DPEP1: variants seen among roughly 807,000 people sequenced by gnomAD.
DPEP1 encodes the protein dipeptidase 1.
Under a neutral mutation model 42.3 loss-of-function variants are expected in DPEP1, and 50 were observed. The ratio of observed to expected loss-of-function variants is 1.18; its 90% CI spans 0.94 to 1.50. The LOEUF is 1.50. Among genes scored for constraint, DPEP1 ranks in the 40% most tolerant of loss-of-function variants. DPEP1 has a pLI of 0.00. For synonymous variants in DPEP1, 297 were observed against 234.0 expected (o/e 1.27, Z -2.46); for missense variants, 663 against 553.0 (o/e 1.20, Z -1.99).
chr16:89,639,188 A>C (rs926396599), downstream of DPEP1, among the ~76,000 whole-genome samples: 13 of 5,940 alleles, frequency 2.2e-3, no homozygotes, highest in East Asian at 6.8e-3. Flanking sequence ...CACACACCCC[A>C]CCCCTGCACA....
At chr16:89,639,204 C>T (rs1567995628), downstream of DPEP1, among the ~76,000 whole-genome samples, 4 of 50,556 alleles carry the variant, frequency 7.9e-5, no homozygotes, top group Admixed American at 1.9e-4. Context: ...GCACACACCC[C>T]CACCCCTGCA....
In DPEP1 at chr16:89,626,910, G is replaced by A. The variant is rs541273081; in HGVS notation, c.-106-3395G>A. Among the ~76,000 whole-genome samples the A allele has an allele frequency of 5.9e-5, 9 of 151,956 alleles. No individual in the cohort carries two copies. In the East Asian group the frequency reaches 7.9e-4, roughly 13 times the overall value. On this transcript the variant is annotated intron_variant, in intron 1 of 10. Transcript: ENST00000690203. ...AGGCGGGTGGATCACTTGGGGTCAG[G>A]AGTTTGAGACCACCCTGGCCAACAT...
downstream of DPEP1, among the ~76,000 whole-genome samples, chr16:89,639,089 GCA>G (rs1190785697): frequency 3.9e-5 from 1 of 25,772 alleles, no homozygotes; most frequent in Non-Finnish European, 6.9e-5. Flanking sequence ...CCCCATTCCT[GCA>G]CACACACACC....
chr16:89,630,626 TGGGGGTGCCGGGGCTGGGGGTGCC>T, intron 2 of DPEP1, 112 bp downstream of exon 2: 1 of 53,690 alleles, frequency 1.9e-5, no homozygotes, highest in East Asian at 5.7e-4. Flanking sequence ...GAGCCAGGGC[TGGGGGTGCCGGGGCTGGGGGTGCC>T]GGGGCTGGGG....
intron 2 of DPEP1, 55 bp from the exon 3 acceptor site, chr16:89,635,853 C>G (rs1399839832): frequency 7.8e-6 from 12 of 1,531,402 alleles, no homozygotes; most frequent in Non-Finnish European, 1.1e-5. Context: ...AGCTCGGAAG[C>G]CCCCAGGTCC....
intron 1 of DPEP1, among the ~76,000 whole-genome samples, chr16:89,618,939 T>A (rs920760037): frequency 4.7e-5 from 2 of 42,410 alleles, no homozygotes; most frequent in South Asian, 8.1e-4. Flanking sequence ...TGCAGCTCCC[T>A]GCCCCCCTGC....
chr16:89,630,437 C>T lies in DPEP1; in HGVS notation c.27C>T (p.Pro9=), dbSNP rs1567987063. Residue 9 remains proline (P), a synonymous_variant, in exon 2 of 11, where the codon CCC becomes CCT. Transcript: ENST00000690203. MWSGWWLW[P]LVAVCTADFF... The stretch of plus-strand genomic sequence containing the variant: ...TGTGGAGCGGATGGTGGCTGTGGCC[C>T]CTTGTGGCCGTCTGCACTGCAGACT... The T allele has an allele frequency of 6.2e-7, 1 of 1,611,258 alleles. No homozygotes were observed. The highest frequency in any genetic ancestry group is 8.5e-7 in the Non-Finnish European group (1 of 1,179,026).
At position 89,637,693 on chromosome 16, in the gene DPEP1, T is replaced by G; in HGVS notation, c.915T>G (p.Phe305Leu). ...GARAVGFGGD[F>L]DGVPRVPEGL... ...GAGCCGTGGGTTTTGGTGGGGACTT[T>G]GATGGTGTTCCAAGGTAAGGGGCTG... Residue 305 changes from phenylalanine (F) to leucine (L), a missense_variant, in exon 9 of 11, where the codon TTT becomes TTG. Coordinates refer to ENST00000690203, the MANE Select transcript of DPEP1 (RefSeq NM_001389466.1). The G allele has an allele frequency of 6.2e-7, 1 of 1,612,964 alleles. No homozygotes were observed. Among genetic ancestry groups the G allele is most frequent in the East Asian group, 2.2e-5 (1 of 44,854 alleles).
intron 1 of DPEP1, among the ~76,000 whole-genome samples, chr16:89,625,229 C>T (rs927330362): frequency 2.0e-5 from 3 of 152,024 alleles, no homozygotes; most frequent in African/African-American, 4.8e-5. Flanking sequence ...CCCCAGGCCT[C>T]GCTGTTTTTC....
downstream of DPEP1, among the ~76,000 whole-genome samples, chr16:89,640,764 G>T (rs1266237333): frequency 2.0e-5 from 3 of 152,132 alleles, no homozygotes; most frequent in Admixed American, 6.5e-5. Context: ...GGGTCTGTAG[G>T]TTTTTCTCCT....
In DPEP1 at chr16:89,636,698, A is replaced by T; in HGVS notation, c.521+15A>T. ...AACACGCCCTGGTGCGTGACTCCCC[A>T]TGGGAGGCCCCCGGGCTGTGGTCAG... On this transcript the variant is annotated intron_variant, in intron 5 of 10. Transcript: ENST00000690203. 6.2e-7 allele frequency: 1 copy of T among 1,611,514 alleles called. No homozygotes were observed. Among genetic ancestry groups the T allele is most frequent in the South Asian group, 1.1e-5 (1 of 91,062 alleles).
At chr16:89,630,995 C>T (rs1433234262) in intron 2 of DPEP1, among the ~76,000 whole-genome samples, 2 of 152,036 alleles carry the variant, frequency 1.3e-5, no homozygotes, top group Admixed American at 6.5e-5. Flanking sequence ...GAGGCAAGGC[C>T]ACACTCCCTG....
intron 2 of DPEP1, among the ~76,000 whole-genome samples, chr16:89,633,465 C>G (rs1268947738): frequency 6.6e-6 from 1 of 152,258 alleles, no homozygotes; most frequent in African/African-American, 2.4e-5. Flanking sequence ...AGAGCCCTCC[C>G]CTTCTTTCCC....
chr16:89,617,985 C>T (rs576236667), intron 1 of DPEP1, among the ~76,000 whole-genome samples: 12 of 152,026 alleles, frequency 7.9e-5, no homozygotes, highest in Non-Finnish European at 1.5e-4. Context: ...GATTGTGCCC[C>T]TGCACTCCAT....
Position 89,630,508 on chromosome 16 carries a change from T to C in DPEP1, c.98T>C (p.Ile33Thr), listed in dbSNP as rs751461850. The C allele has an allele frequency of 2.3e-5, 37 of 1,586,534 alleles. No homozygotes were observed. In the East Asian group the frequency reaches 4.6e-4, roughly 20 times the overall value. The change falls in exon 2 of 11, where the codon ATT (isoleucine) becomes ACT (threonine). Residue 33 changes from isoleucine to threonine, a missense_variant. Ile to Thr is a moderately conservative substitution (Grantham distance 89, BLOSUM62 -1). Transcript: ENST00000690203. Reference sequence around the variant, plus strand: ...AGGATCATGAGGGACTCCCCTGTCATTGATGGGTGAGTGCTCACCTGAGCC... The same window carrying C: ...AGGATCATGAGGGACTCCCCTGTCACTGATGGGTGAGTGCTCACCTGAGCC... ...AERIMRDSPV[I>T]DGHNDLPWQL... is the part of the protein sequence containing the mutation.
chr16:89,636,383 C>T lies in DPEP1; in HGVS notation c.357C>T (p.Val119=), dbSNP rs370275135. The T allele has an allele frequency of 1.2e-5, 19 of 1,612,056 alleles. 1 individual carries two copies. The highest frequency in any genetic ancestry group is 6.7e-5 in the African/African-American group (5 of 75,046). ...CRMYPETFLY[V]TSSAGIRQAF... is the part of the protein sequence containing the mutation. The stretch of plus-strand genomic sequence containing the variant: ...TGTACCCGGAGACCTTCCTGTATGT[C>T]ACCAGCAGTGCAGGTGGGGTCCTGA... The change falls in exon 4 of 11, where the codon GTC becomes GTT. Residue 119 remains valine, a synonymous_variant. Transcript: ENST00000690203.
intron 2 of DPEP1, among the ~76,000 whole-genome samples, chr16:89,632,345 G>A (rs946848537): frequency 6.6e-6 from 1 of 152,196 alleles, no homozygotes; most frequent in African/African-American, 2.4e-5. Flanking sequence ...GAGCCACCGC[G>A]CCCGGCCGGG....
intron 1 of DPEP1, among the ~76,000 whole-genome samples, chr16:89,623,398 C>T (rs541035547): frequency 1.8e-4 from 27 of 152,284 alleles, no homozygotes; most frequent in African/African-American, 5.1e-4. Flanking sequence ...CTCACACATA[C>T]GGCACGGCCC....
chr16:89,630,543 G>C (rs1207657007), intron 2 of DPEP1, 29 bp downstream of exon 2: 1 of 1,482,510 alleles, frequency 6.7e-7, no homozygotes, highest in East Asian at 2.8e-5. Flanking sequence ...CAGGTGCTTA[G>C]GGAACCAGGA....
Sources: allele counts gnomAD v4.1 joint callset (sites outside exome capture counted in the v4.1 genomes callset), GRCh38; gene constraint gnomAD v4.1.1; transcripts MANE v1.5; gene names NCBI Gene and HGNC (gene_info 2026-07-23, HGNC 2026-07-21).